The following RTRAF variants were observed in gnomAD, a reference collection of about 807,000 sequenced individuals.
RTRAF encodes the protein tRNA-splicing ligase complex subunit RTRAF.
Under a neutral mutation model 34.4 loss-of-function variants are expected in RTRAF, and 14 were observed. That is an observed-to-expected ratio of 0.41 (90% confidence interval 0.27 to 0.64). The LOEUF is 0.64. Among genes scored for constraint, RTRAF ranks in the 30% least tolerant of loss-of-function variants. The pLI, the probability that RTRAF is intolerant of heterozygous loss-of-function variation, is 0.34. For synonymous variants in RTRAF, 96 were observed against 95.3 expected (o/e 1.01, Z -0.04); for missense variants, 291 against 288.4 (o/e 1.01, Z -0.06).
At chr14:52,004,113 T>A (rs1384775415) in intron 6 of RTRAF, 81 bp from the exon 7 acceptor site, 1 of 1,195,346 alleles carries the variant, frequency 8.4e-7, no homozygotes, top group Non-Finnish European at 1.2e-6. Context: ...CCAGAATAGC[T>A]AGGTGCTTTT....
chr14:52,003,224 TATGGTAGTTTTC>T (rs1197654058), intron 6 of RTRAF, among the ~76,000 whole-genome samples: 2 of 152,158 alleles, frequency 1.3e-5, no homozygotes, highest in Non-Finnish European at 2.9e-5. Flanking sequence ...ATTTGAGGCA[TATGGTAGTTTTC>T]AGGGGTAGCT....
chr14:51,997,391 T>G (rs1258872465), intron 3 of RTRAF, among the ~76,000 whole-genome samples: 1 of 151,956 alleles, frequency 6.6e-6, no homozygotes, highest in Non-Finnish European at 1.5e-5. Flanking sequence ...GATTTTTATT[T>G]TATTCAATGG....
Position 52,006,311 on chromosome 14 carries a change from G to C in RTRAF, c.*1795G>C. 1 of 497,108 alleles carries C rather than the reference G, an allele frequency of 2.0e-6. No homozygotes were observed. The highest frequency in any genetic ancestry group is 3.6e-6 in the Non-Finnish European group (1 of 275,702). The allele number at this position is 497,108 out of a possible 1,614,324, so 30.8% of individuals were successfully genotyped here. A position where few individuals can be genotyped will look rare whatever the true frequency, so the allele number is the denominator to read the frequency against. On this transcript the variant is annotated 3_prime_UTR_variant, in exon 8 of 8. Transcript: ENST00000261700. ...AGCTTTGCTACTTTTTAAGCTATAT[G>C]TGAGCAATACCATTCGATTTCTGGG...
rs1240286384 is a variant in RTRAF at position 52,004,598 on chromosome 14, A to ACATTCT, written c.*84_*89dup. The ACATTCT allele has an allele frequency of 7.3e-7, 1 of 1,379,064 alleles. No individual in the cohort carries two copies. Among genetic ancestry groups the ACATTCT allele is most frequent in the East Asian group, 2.4e-5 (1 of 41,194 alleles). The allele number at this position is 1,379,064 out of a possible 1,614,324, so 85.4% of individuals were successfully genotyped here. A position where few individuals can be genotyped will look rare whatever the true frequency, so the allele number is the denominator to read the frequency against. On this transcript the variant is annotated 3_prime_UTR_variant, in exon 8 of 8. Transcript: ENST00000261700. Reference sequence around the variant, plus strand: ...TGGCATGTTTGGAAATCAAAATGTCACATTCTCGGGGGAGGAAGCCCAGAA... The same window carrying ACATTCT: ...TGGCATGTTTGGAAATCAAAATGTCACATTCTCATTCTCGGGGGAGGAAGCCCAGAA...
At position 52,006,826 on chromosome 14, in the gene RTRAF, G is replaced by A; in HGVS notation, c.*2310G>A. Reference sequence around the variant, plus strand: ...TTACCTGTCCTATTACTAGTCTCCAGTTTTTAGTAGAGATTCAAACTTTCA... The same window carrying A: ...TTACCTGTCCTATTACTAGTCTCCAATTTTTAGTAGAGATTCAAACTTTCA... On this transcript the variant is annotated 3_prime_UTR_variant, in exon 8 of 8. Transcript: ENST00000261700. 1.8e-6 allele frequency: 1 copy of A among 560,340 alleles called. No homozygotes were observed. 34.7% of individuals were successfully genotyped at this position (560,340 alleles called of 1,614,324 possible). A position where few individuals can be genotyped will look rare whatever the true frequency, so the allele number is the denominator to read the frequency against.
At chr14:51,999,358 A>AT (rs1890568267) in intron 4 of RTRAF, 1 of 184,604 alleles carries the variant, frequency 5.4e-6, no homozygotes, top group African/African-American at 2.3e-5. Flanking sequence ...CGGAAGACCC[A>AT]TTGTAAAGCT....
chr14:52,004,450 AGTAG>A lies in RTRAF; in HGVS notation c.670_673del (p.Val224LeufsTer62). 6.2e-7 allele frequency: 1 copy of A among 1,614,062 alleles called. No individual in the cohort carries two copies. Among genetic ancestry groups the A allele is most frequent in the Non-Finnish European group, 8.5e-7 (1 of 1,179,928 alleles). On this transcript the variant is annotated frameshift_variant, in exon 8 of 8. Transcript: ENST00000261700. LOFTEE classifies it high-confidence loss of function. Reference sequence around the variant, plus strand: ...TACAGACAAAAATCAACGAAGCCATAGTAGCTGTTCAGGCAATTATTGCTGATCC... The same window carrying A: ...TACAGACAAAAATCAACGAAGCCATACTGTTCAGGCAATTATTGCTGATCC...
In RTRAF at chr14:52,004,168, CTCATTTTGTCTT is replaced by C; in HGVS notation, c.532-23_532-12del. 1 of 1,592,678 alleles carries C rather than the reference CTCATTTTGTCTT, an allele frequency of 6.3e-7. No individual in the cohort carries two copies. Among genetic ancestry groups the C allele is most frequent in the Admixed American group, 1.7e-5 (1 of 59,406 alleles). ...GATGCTATTCTTAACCATAAATACT[CTCATTTTGTCTT>C]TCTTTTTTTAAAGGGCTTACCTGTT... On this transcript the variant is annotated splice_polypyrimidine_tract_variant and intron_variant, in intron 6 of 7. Transcript: ENST00000261700.
At chr14:51,992,409 C>T (rs1890447888) in intron 2 of RTRAF, among the ~76,000 whole-genome samples, 1 of 152,102 alleles carries the variant, frequency 6.6e-6, no homozygotes, top group Non-Finnish European at 1.5e-5. Context: ...TTCCGTGTCT[C>T]AATTTTTTCA....
At position 52,005,202 on chromosome 14, in the gene RTRAF, T is replaced by TATTAATGATAAATGTTTA. The variant is rs1890714597; in HGVS notation, c.*687_*704dup. 3.3e-6 allele frequency: 1 copy of TATTAATGATAAATGTTTA among 305,360 alleles called. No individual in the cohort carries two copies. Among genetic ancestry groups the TATTAATGATAAATGTTTA allele is most frequent in the Admixed American group, 4.7e-5 (1 of 21,430 alleles). The allele number at this position is 305,360 out of a possible 1,614,324, so 18.9% of individuals were successfully genotyped here. A position where few individuals can be genotyped will look rare whatever the true frequency, so the allele number is the denominator to read the frequency against. Reference sequence around the variant, plus strand: ...AGTTGAATGAATTTGATCTTTTAAATATTAATGATAAATGTTTACAAGAAG... The same window carrying TATTAATGATAAATGTTTA: ...AGTTGAATGAATTTGATCTTTTAAATATTAATGATAAATGTTTAATTAATGATAAATGTTTACAAGAAG... On this transcript the variant is annotated 3_prime_UTR_variant, in exon 8 of 8. Coordinates refer to ENST00000261700, the MANE Select transcript of RTRAF (RefSeq NM_016039.3).
chr14:51,997,178 G>A (rs1017391878), intron 3 of RTRAF, among the ~76,000 whole-genome samples: 4 of 151,928 alleles, frequency 2.6e-5, no homozygotes, highest in Non-Finnish European at 4.4e-5. Flanking sequence ...GGTACTTTGA[G>A]ACTGTATCAA....
At position 51,991,300 on chromosome 14, in the gene RTRAF, G is replaced by A. The variant is rs771908599; in HGVS notation, c.62-17G>A. On this transcript the variant is annotated splice_polypyrimidine_tract_variant and intron_variant, in intron 1 of 7. Coordinates refer to ENST00000261700, the MANE Select transcript of RTRAF (RefSeq NM_016039.3). ...ATGTAGTGCTTCTAGTTATTTATGT[G>A]ATATTTTTTATTGCAGATGAAACAG... 1 of 1,609,948 alleles carries A rather than the reference G, an allele frequency of 6.2e-7. No individual in the cohort carries two copies. The highest frequency in any genetic ancestry group is 8.5e-7 in the Non-Finnish European group (1 of 1,177,138).
chr14:51,991,524 T>C lies in RTRAF; in HGVS notation c.186+83T>C. On this transcript the variant is annotated intron_variant, in intron 2 of 7. Transcript: ENST00000261700. ...ATGAGCTTAAAATTACTTTCTTCTT[T>C]TAAGAAAAAAATGATAATGATCAGT... is the stretch of plus-strand genomic sequence containing the variant. 6.2e-6 allele frequency: 9 copies of C among 1,461,492 alleles called. 1 individual carries two copies. The South Asian group carries it at 1.1e-4, about 18-fold the overall frequency. The allele number at this position is 1,461,492 out of a possible 1,614,324, so 90.5% of individuals were successfully genotyped here.
chr14:51,999,948 C>T, intron 5 of RTRAF, 152 bp downstream of exon 5: 1 of 573,066 alleles, frequency 1.7e-6, no homozygotes, highest in Middle Eastern at 4.6e-4. Context: ...ATGGTTTTAT[C>T]TGATTTGGAT....
chr14:51,998,901 G>T (rs1359667343), intron 4 of RTRAF, among the ~76,000 whole-genome samples: 2 of 151,812 alleles, frequency 1.3e-5, no homozygotes, highest in Non-Finnish European at 2.9e-5. Context: ...CAGACAAGTG[G>T]TAAAATTTTC....
chr14:51,997,807 T>G (rs1890543748), intron 3 of RTRAF: 1 of 151,828 alleles, frequency 6.6e-6, no homozygotes, highest in Non-Finnish European at 1.5e-5. Flanking sequence ...TTAATGAGTT[T>G]GTATTTAATC....
Position 52,005,632 on chromosome 14 carries a change from A to G in RTRAF, c.*1116A>G. 1.4e-6 allele frequency: 2 copies of G among 1,381,148 alleles called. No individual in the cohort carries two copies. The highest frequency in any genetic ancestry group is 2.1e-6 in the Non-Finnish European group (2 of 972,052). 85.6% of individuals were successfully genotyped at this position (1,381,148 alleles called of 1,614,324 possible). On this transcript the variant is annotated 3_prime_UTR_variant, in exon 8 of 8. Coordinates refer to ENST00000261700, the MANE Select transcript of RTRAF (RefSeq NM_016039.3). ...AAAGACTGGCCCTCAGGGCAGGAAG[A>G]AGGCAATGGTGGCAGTGTCACAGGC... is the stretch of plus-strand genomic sequence containing the variant.
At position 52,006,770 on chromosome 14, in the gene RTRAF, C is replaced by G. The variant is rs1890801723; in HGVS notation, c.*2254C>G. 8.4e-7 allele frequency: 1 copy of G among 1,187,922 alleles called. No individual in the cohort carries two copies. Among genetic ancestry groups the G allele is most frequent in the Admixed American group, 2.1e-5 (1 of 47,966 alleles). 73.6% of individuals were successfully genotyped at this position (1,187,922 alleles called of 1,614,324 possible). On this transcript the variant is annotated 3_prime_UTR_variant, in exon 8 of 8. Transcript: ENST00000261700. ...AATGGGGAAATAGGATATTTTACTT[C>G]CATTACAGTCATAGATTAGCAACTG...
At chr14:52,000,433 G>A (rs138193450) in intron 5 of RTRAF, among the ~76,000 whole-genome samples, 222 of 152,214 alleles carry the variant, frequency 1.5e-3, no homozygotes, top group African/African-American at 4.9e-3. Context: ...CCTAGTAATC[G>A]TGAAAGTACA....
Sources: allele counts gnomAD v4.1 joint callset (sites outside exome capture counted in the v4.1 genomes callset), GRCh38; gene constraint gnomAD v4.1.1; transcripts MANE v1.5; gene names NCBI Gene and HGNC (gene_info 2026-07-23, HGNC 2026-07-21).